The following FBXW7 variants were observed in gnomAD, a reference collection of about 807,000 sequenced individuals.
FBXW7 encodes the protein F-box and WD repeat domain containing 7, also known as F-box/WD repeat-containing protein 7.
Under a neutral mutation model 86.3 loss-of-function variants are expected in FBXW7, and 11 were observed. That is an observed-to-expected ratio of 0.13 (90% CI 0.08 to 0.21). FBXW7 has a LOEUF of 0.21. Ranked by LOEUF, FBXW7 falls within the 10% of genes least tolerant of loss-of-function variation. FBXW7 has a pLI of 1.00. For missense variants in FBXW7, 488 were observed against 847.4 expected, an observed-to-expected ratio of 0.58 and a Z score of 5.27; for synonymous variants, 313 against 297.9, an observed-to-expected ratio of 1.05 and a Z score of -0.52.
chr4:152,499,660 G>A (rs1437009016), intron 2 of FBXW7, among the ~76,000 whole-genome samples: 1 of 151,908 alleles, frequency 6.6e-6, no homozygotes, highest in Non-Finnish European at 1.5e-5. Flanking sequence ...CTGCAAAAAG[G>A]GGGCAGCCTC....
intron 4 of FBXW7, among the ~76,000 whole-genome samples, chr4:152,396,424 CT>C (rs1338948288): frequency 6.6e-6 from 1 of 151,932 alleles, no homozygotes; most frequent in Non-Finnish European, 1.5e-5. Flanking sequence ...TGTGGCATAT[CT>C]TAGAAAAATA....
In FBXW7 at chr4:152,321,639, G is replaced by C. The variant is rs773841478; in HGVS notation, c.*1242C>G. ...GTCAGTTACTCAGAGCAATAAAACT[G>C]TAACAGTTGTTTTCCCAAATACTGT... On this transcript the variant is annotated 3_prime_UTR_variant, in exon 14 of 14. Transcript: ENST00000281708. 1 of 233,122 alleles carries C rather than the reference G, an allele frequency of 4.3e-6. No homozygotes were observed. The highest frequency in any genetic ancestry group is 8.5e-6 in the Non-Finnish European group (1 of 117,706). The allele number at this position is 233,122 out of a possible 1,614,324, so 14.4% of individuals were successfully genotyped here.
Position 152,322,488 on chromosome 4 carries a change from T to A in FBXW7, c.*393A>T. On this transcript the variant is annotated 3_prime_UTR_variant, in exon 14 of 14. Coordinates refer to ENST00000281708, the MANE Select transcript of FBXW7 (RefSeq NM_001349798.2). Reference sequence around the variant, plus strand: ...GATATTATTGCAGTTCCTTTCTAGGTGTCTAGCTGTCAGTGGTAAAAGAAC... The same window carrying A: ...GATATTATTGCAGTTCCTTTCTAGGAGTCTAGCTGTCAGTGGTAAAAGAAC... 1 of 249,912 alleles carries A rather than the reference T, an allele frequency of 4.0e-6. No individual in the cohort carries two copies. The highest frequency in any genetic ancestry group is 7.8e-6 in the Non-Finnish European group (1 of 127,804). The allele number at this position is 249,912 out of a possible 1,614,324, so 15.5% of individuals were successfully genotyped here.
At chr4:152,412,768 G>A (rs1205918995) in intron 2 of FBXW7, among the ~76,000 whole-genome samples, 1 of 152,048 alleles carries the variant, frequency 6.6e-6, no homozygotes, top group Non-Finnish European at 1.5e-5. Flanking sequence ...GCTGGAAATT[G>A]TGATTATAGT....
At chr4:152,514,603 A>G (rs1748291438) in intron 2 of FBXW7, among the ~76,000 whole-genome samples, 1 of 152,130 alleles carries the variant, frequency 6.6e-6, no homozygotes, top group Non-Finnish European at 1.5e-5. Flanking sequence ...TGCTATCCTC[A>G]AGGTAATGAA....
chr4:152,423,885 A>G (rs1402487794), intron 2 of FBXW7, among the ~76,000 whole-genome samples: 1 of 152,122 alleles, frequency 6.6e-6, no homozygotes, highest in Non-Finnish European at 1.5e-5. Flanking sequence ...CTGGAATAGA[A>G]TGTTCTATTT....
At position 152,330,766 on chromosome 4, in the gene FBXW7, G is replaced by C. The variant is rs1381320045; in HGVS notation, c.1088C>G (p.Thr363Ser). The change falls in exon 9 of 14, where the codon ACT becomes AGT. Residue 363 changes from threonine to serine, a missense_variant. Around this residue, in one of 4 missense-constraint regions of FBXW7, gnomAD observed 57 missense variants for 62.8 expected, o/e 0.91. Transcript: ENST00000281708. ...TTTGAGTTCTCCTCGCCTCCAGTTA[G>C]TATCAATTCTGTGCTGTCTGATGTA... ...SAYIRQHRIDTNWRRGELKSP... is the reference protein window; with the variant it reads ...SAYIRQHRIDSNWRRGELKSP... 1 of 1,612,362 alleles carries C rather than the reference G, an allele frequency of 6.2e-7. No individual in the cohort carries two copies. Among genetic ancestry groups the C allele is most frequent in the Non-Finnish European group, 8.5e-7 (1 of 1,178,860 alleles).
At chr4:152,419,901 T>C (rs932218684) in intron 2 of FBXW7, among the ~76,000 whole-genome samples, 1 of 152,180 alleles carries the variant, frequency 6.6e-6, no homozygotes, top group Non-Finnish European at 1.5e-5. Context: ...GTCCAATTTT[T>C]TTGCCGGTGG....
chr4:152,393,079 GA>G (rs1278175475), intron 4 of FBXW7, among the ~76,000 whole-genome samples: 3 of 152,066 alleles, frequency 2.0e-5, no homozygotes, highest in Admixed American at 6.6e-5. Context: ...TTAGGTTTAA[GA>G]TCTGAAAAGC....
intron 6 of FBXW7, among the ~76,000 whole-genome samples, chr4:152,344,918 T>C (rs766474596): frequency 6.6e-6 from 1 of 152,208 alleles, no homozygotes; most frequent in Non-Finnish European, 1.5e-5. Flanking sequence ...GGAGGTTATC[T>C]ACAATGATGA....
intron 2 of FBXW7, among the ~76,000 whole-genome samples, chr4:152,503,786 A>T (rs943873707): frequency 1.3e-5 from 2 of 152,196 alleles, no homozygotes; most frequent in African/African-American, 2.4e-5. Flanking sequence ...AAAAGCAAAA[A>T]TTGATGTTTC....
chr4:152,370,754 C>G (rs777726738), intron 4 of FBXW7, among the ~76,000 whole-genome samples: 19 of 151,848 alleles, frequency 1.3e-4, no homozygotes, highest in Non-Finnish European at 2.7e-4. Context: ...GAAAAGCCTG[C>G]TATTTTATGG....
chr4:152,426,849 C>G (rs901424796), intron 2 of FBXW7, among the ~76,000 whole-genome samples: 1 of 152,188 alleles, frequency 6.6e-6, no homozygotes, highest in Non-Finnish European at 1.5e-5. Flanking sequence ...AAAAACCGCA[C>G]AGAATAGAGA....
intron 4 of FBXW7, among the ~76,000 whole-genome samples, chr4:152,366,303 TCA>T (rs928248011): frequency 6.6e-6 from 1 of 152,130 alleles, no homozygotes; most frequent in African/African-American, 2.4e-5. Context: ...AAATGCAACT[TCA>T]CAGTTTAGGA....
At position 152,364,809 on chromosome 4, in the gene FBXW7, T is replaced by A. The variant is rs570556869; in HGVS notation, c.502-14685A>T. ...TATTGAAACATATGTATCTCTGTGA[T>A]TCTACCCTACACTTTGTCTCAAGTA... On this transcript the variant is annotated intron_variant, in intron 4 of 13. Transcript: ENST00000281708. Among the ~76,000 whole-genome samples the A allele has an allele frequency of 2.0e-5, 3 of 152,302 alleles. No individual in the cohort carries two copies. The East Asian group carries it at 5.8e-4, about 29-fold the overall frequency.
chr4:152,363,097 G>A (rs952676833), intron 4 of FBXW7, among the ~76,000 whole-genome samples: 1 of 152,048 alleles, frequency 6.6e-6, no homozygotes, highest in Non-Finnish European at 1.5e-5. Context: ...ATCATTTATA[G>A]GTAGCACAGA....
intron 4 of FBXW7, among the ~76,000 whole-genome samples, chr4:152,358,121 A>G (rs150020135): frequency 9.2e-5 from 14 of 152,344 alleles, no homozygotes; most frequent in Middle Eastern, 3.4e-3. Flanking sequence ...GTTTCCTCTC[A>G]AAATTTTATT....
chr4:152,497,374 C>CACACACACACACAG (rs1240252269), intron 2 of FBXW7, among the ~76,000 whole-genome samples: 346 of 143,662 alleles, frequency 2.4e-3, no homozygotes, highest in Middle Eastern at 0.012. Flanking sequence ...CACACACACA[C>CACACACACACACAG]ACTATGAGAT....
At chr4:152,506,140 CT>C (rs992778934) in intron 2 of FBXW7, among the ~76,000 whole-genome samples, 7 of 151,228 alleles carry the variant, frequency 4.6e-5, no homozygotes, top group East Asian at 3.9e-4. Flanking sequence ...ATGTGCTATA[CT>C]TTTTTTTTGA....
Sources: allele counts gnomAD v4.1 joint callset (sites outside exome capture counted in the v4.1 genomes callset), GRCh38; gene constraint gnomAD v4.1.1; regional missense constraint gnomAD v4.1.1; transcripts MANE v1.5; gene names NCBI Gene and HGNC (gene_info 2026-07-23, HGNC 2026-07-21).